ASIC2: variants seen among roughly 807,000 people sequenced by gnomAD.
ASIC2 encodes acid-sensing ion channel 2.
Under a neutral mutation model 57.3 loss-of-function variants are expected in ASIC2, and 25 were observed. That is an observed-to-expected ratio of 0.44 (90% CI 0.32 to 0.61). The LOEUF (loss-of-function observed/expected upper bound fraction) is 0.61, where lower values mean the gene tolerates loss of function less well. Among genes scored for constraint, ASIC2 ranks in the 20% least tolerant of loss-of-function variants. The probability of loss-of-function intolerance (pLI) is 0.06; values close to 1 mark genes in which losing one functional copy is unlikely to be tolerated. For synonymous variants in ASIC2, 319 were observed against 307.5 expected, an observed-to-expected ratio of 1.04 and a Z score of -0.39; for missense variants, 641 against 738.1, an observed-to-expected ratio of 0.87 and a Z score of 1.52.
intron 1 of ASIC2, among the ~76,000 whole-genome samples, chr17:33,561,743 T>A (rs544428489): frequency 6.6e-6 from 1 of 152,174 alleles, no homozygotes; most frequent in Non-Finnish European, 1.5e-5. Context: ...AAAAAATATG[T>A]GCAAATATGG....
rs572207905 is a variant in ASIC2, at chr17:33,604,952, T to TA, written c.556-492886dup. ...ACCCCAGCCTAGAACCTTCATCTCA[T>TA]ATCTCCTGGGTCAGTGGTTGTTCTA... On this transcript the variant is annotated intron_variant, in intron 1 of 9. Transcript: ENST00000359872. Among the ~76,000 whole-genome samples the TA allele has an allele frequency of 9.1e-4, 139 of 152,288 alleles. 3 individuals are homozygous for TA. The South Asian group carries it at 0.028, about 31-fold the overall frequency.
At chr17:34,099,375 G>A (rs1489666809) in intron 1 of ASIC2, among the ~76,000 whole-genome samples, 2 of 120,822 alleles carry the variant, frequency 1.7e-5, no homozygotes, top group African/African-American at 3.2e-5. Context: ...AGGAAAGAAA[G>A]AAAAAAGAGA....
chr17:33,764,022 C>T (rs7212934), intron 1 of ASIC2, among the ~76,000 whole-genome samples: 2 of 152,110 alleles, frequency 1.3e-5, no homozygotes, highest in South Asian at 4.1e-4. Context: ...GGCCGGGTGC[C>T]GTGGCTCGCG....
In ASIC2 at chr17:34,120,722, CTT is replaced by C. The variant is rs142959293; in HGVS notation, c.555+35254_555+35255del. On this transcript the variant is annotated intron_variant, in intron 1 of 9. Transcript: ENST00000359872. Reference sequence around the variant, plus strand: ...TTAATGCAAAATGACTGGGGTCCTTCTTTTTTTTTTTTTTTTCTTTTTTTTTT... The same window carrying C: ...TTAATGCAAAATGACTGGGGTCCTTCTTTTTTTTTTTTTTCTTTTTTTTTT... 2.4e-3 allele frequency among the ~76,000 whole-genome samples: 228 copies of C among 94,638 alleles called. 2 individuals are homozygous for C. The highest frequency in any genetic ancestry group is 5.1e-3 in the African/African-American group (123 of 24,152). 62.1% of individuals were successfully genotyped at this position (94,638 alleles called of 152,430 possible).
At chr17:33,636,168 G>C (rs1906356977) in intron 1 of ASIC2, among the ~76,000 whole-genome samples, 1 of 152,168 alleles carries the variant, frequency 6.6e-6, no homozygotes, top group Non-Finnish European at 1.5e-5. Flanking sequence ...TATTAATACA[G>C]ATTCAAAATG....
intron 1 of ASIC2, among the ~76,000 whole-genome samples, chr17:33,510,696 C>T (rs1458003953): frequency 1.3e-5 from 2 of 152,182 alleles, no homozygotes; most frequent in Admixed American, 6.5e-5. Context: ...CACCGAGCCC[C>T]CATTCACACT....
At chr17:33,592,445 A>C (rs1904856739) in intron 1 of ASIC2, among the ~76,000 whole-genome samples, 1 of 152,250 alleles carries the variant, frequency 6.6e-6, no homozygotes, top group Admixed American at 6.5e-5. Context: ...ACAAGCCTGA[A>C]GTGAGGGAAG....
chr17:33,031,851 A>G (rs2141907210), intron 3 of ASIC2, among the ~76,000 whole-genome samples: 1 of 152,300 alleles, frequency 6.6e-6, no homozygotes, highest in Non-Finnish European at 1.5e-5. Context: ...GTGAATAATC[A>G]TCTCATACAA....
chr17:33,162,085 C>T (rs1426061691), intron 1 of ASIC2, among the ~76,000 whole-genome samples: 1 of 152,078 alleles, frequency 6.6e-6, no homozygotes, highest in Non-Finnish European at 1.5e-5. Flanking sequence ...CCTGACGTGA[C>T]TCTTTCATGT....
chr17:33,181,590 G>T (rs1187860800), intron 1 of ASIC2, among the ~76,000 whole-genome samples: 1 of 152,130 alleles, frequency 6.6e-6, no homozygotes, highest in Non-Finnish European at 1.5e-5. Flanking sequence ...TCTGATCTTT[G>T]CTTCTGTGGC....
intron 1 of ASIC2, among the ~76,000 whole-genome samples, chr17:34,128,411 C>T (rs1352202836): frequency 6.6e-6 from 1 of 152,196 alleles, no homozygotes; most frequent in African/African-American, 2.4e-5. Context: ...CCTGGTCCCA[C>T]TGTGCCTGCC....
At chr17:33,982,288 GATCACCCTGCAAT>G (rs1905654344) in intron 1 of ASIC2, among the ~76,000 whole-genome samples, 1 of 152,204 alleles carries the variant, frequency 6.6e-6, no homozygotes, top group African/African-American at 2.4e-5. Flanking sequence ...AGAACATGGC[GATCACCCTGCAAT>G]TAACTGGTCC....
chr17:33,360,362 G>A (rs1430061929), intron 1 of ASIC2, among the ~76,000 whole-genome samples: 1 of 152,178 alleles, frequency 6.6e-6, no homozygotes, highest in East Asian at 1.9e-4. Context: ...GGTGAAACTG[G>A]ACCTGCCTTG....
At chr17:34,150,465 T>C (rs1904474148) in intron 1 of ASIC2, among the ~76,000 whole-genome samples, 2 of 152,270 alleles carry the variant, frequency 1.3e-5, no homozygotes, top group South Asian at 4.1e-4. Context: ...ATTTAGCCAC[T>C]CCACAATGTA....
At chr17:34,017,423 TAAG>T (rs536562431) in intron 1 of ASIC2, among the ~76,000 whole-genome samples, 133 of 152,318 alleles carry the variant, frequency 8.7e-4, no homozygotes, top group Middle Eastern at 3.4e-3. Context: ...TTAGGCTAAT[TAAG>T]AACCCTACAA....
At chr17:34,014,661 C>T (rs1567788413) in intron 1 of ASIC2, among the ~76,000 whole-genome samples, 2 of 152,190 alleles carry the variant, frequency 1.3e-5, no homozygotes, top group Non-Finnish European at 2.9e-5. Flanking sequence ...CTAGAACACC[C>T]TAGCTGCCAA....
intron 1 of ASIC2, among the ~76,000 whole-genome samples, chr17:33,140,835 T>A (rs778150419): frequency 1.8e-4 from 27 of 152,376 alleles, no homozygotes; most frequent in South Asian, 6.2e-4. Flanking sequence ...GGACTAGCTG[T>A]TAAGCCCAGC....
chr17:33,730,342 G>C (rs972798415), intron 1 of ASIC2, among the ~76,000 whole-genome samples: 2 of 152,204 alleles, frequency 1.3e-5, no homozygotes, highest in African/African-American at 4.8e-5. Context: ...TTCCTGGGAT[G>C]ACAGTGAGGT....
chr17:34,065,028 G>C (rs1350547812), intron 1 of ASIC2, among the ~76,000 whole-genome samples: 1 of 152,086 alleles, frequency 6.6e-6, no homozygotes, highest in East Asian at 1.9e-4. Flanking sequence ...CCCCCTACTG[G>C]GTATCTATCC....
Sources: allele counts gnomAD v4.1 joint callset (sites outside exome capture counted in the v4.1 genomes callset), GRCh38; gene constraint gnomAD v4.1.1; transcripts MANE v1.5; gene names NCBI Gene and HGNC (gene_info 2026-07-23, HGNC 2026-07-21).